HS1BP3: variants seen among roughly 807,000 people sequenced by gnomAD.
HS1BP3 encodes HCLS1-binding protein 3.
Under a neutral mutation model 33.5 loss-of-function variants are expected in HS1BP3, and 32 were observed. The ratio of observed to expected loss-of-function variants is 0.95; its 90% CI spans 0.72 to 1.28. The LOEUF (loss-of-function observed/expected upper bound fraction) is 1.28. HS1BP3 is among the 50% of genes most tolerant of loss of function. The probability of loss-of-function intolerance (pLI) is 0.00; values close to 1 mark genes in which losing one functional copy is unlikely to be tolerated. For missense variants in HS1BP3, 486 were observed against 502.3 expected, an observed-to-expected ratio of 0.97 and a Z score of 0.31; for synonymous variants, 187 against 209.2, an observed-to-expected ratio of 0.89 and a Z score of 0.92.
At chr2:20,650,895 C>A (rs1265545055) in intron 1 of HS1BP3, 137 bp downstream of exon 1, 12 of 732,144 alleles carry the variant, frequency 1.6e-5, no homozygotes, top group Non-Finnish European at 1.3e-5. Flanking sequence ...AGGGGCCCAG[C>A]CCGGATAAGC....
intron 4 of HS1BP3, chr2:20,636,017 C>T (rs1695115794): frequency 1.3e-5 from 2 of 152,178 alleles, no homozygotes; most frequent in African/African-American, 4.8e-5. Flanking sequence ...CGGGGAAGGA[C>T]CGAGGCTGGT....
chr2:20,613,827 G>C (rs775373468), downstream of HS1BP3, among the ~76,000 whole-genome samples: 32 of 152,214 alleles, frequency 2.1e-4, no homozygotes, highest in Non-Finnish European at 2.8e-4. Context: ...TTGCAGAATG[G>C]AATGGGCCTC....
chr2:20,628,678 C>T (rs780071165), intron 4 of HS1BP3, among the ~76,000 whole-genome samples: 8 of 151,904 alleles, frequency 5.3e-5, no homozygotes, highest in Admixed American at 6.5e-5. Context: ...CAGGGTGTTC[C>T]GCTCTGTCAC....
chr2:20,645,351 C>G lies in HS1BP3; in HGVS notation c.187G>C (p.Val63Leu). ...AGCCTCCGGCTCACCAAGAACTGGA[C>G]GACATCCTCGGGCCTGTGCTTGGCC... ...KSAKHRPEDV[V>L]QFLVSKKYSE... The change falls in exon 2 of 7, where the codon GTC (valine) becomes CTC (leucine). Residue 63 changes from valine to leucine, a missense_variant. By Grantham distance (32) the Val-to-Leu change is conservative. Transcript: ENST00000304031. The G allele has an allele frequency of 6.2e-7, 1 of 1,613,454 alleles. No individual in the cohort carries two copies. The highest frequency in any genetic ancestry group is 1.1e-5 in the South Asian group (1 of 91,000).
intron 5 of HS1BP3, among the ~76,000 whole-genome samples, chr2:20,580,258 C>A (rs958457095): frequency 3.3e-5 from 5 of 152,246 alleles, no homozygotes; most frequent in African/African-American, 4.8e-5. Context: ...GTGGCTCATG[C>A]CTGTAATCCT....
intron 4 of HS1BP3, chr2:20,636,546 T>C (rs1465433578): frequency 6.6e-6 from 1 of 152,260 alleles, no homozygotes; most frequent in Non-Finnish European, 1.5e-5. Flanking sequence ...CAGGGCTCCG[T>C]TTCTTGACCT....
chr2:20,620,722 C>T (rs543604262), intron 6 of HS1BP3, among the ~76,000 whole-genome samples: 2 of 152,356 alleles, frequency 1.3e-5, no homozygotes, highest in South Asian at 4.1e-4. Flanking sequence ...CACAGGGATT[C>T]TTACAAGGAT....
intron 1 of HS1BP3, 48 bp downstream of exon 1, chr2:20,650,984 G>A: frequency 8.1e-7 from 1 of 1,228,874 alleles, no homozygotes; most frequent in Non-Finnish European, 1.0e-6. Flanking sequence ...CCGCCCGGGC[G>A]CCCCGGACTG....
At chr2:20,600,011 C>A (rs1261897673) in intron 2 of HS1BP3, among the ~76,000 whole-genome samples, 3 of 152,106 alleles carry the variant, frequency 2.0e-5, no homozygotes, top group Non-Finnish European at 4.4e-5. Context: ...GAGAGTGGTC[C>A]CAGGGGGACC....
intron 5 of HS1BP3, among the ~76,000 whole-genome samples, chr2:20,561,158 AC>A (rs1172854134): frequency 7.2e-5 from 11 of 151,930 alleles, no homozygotes; most frequent in Non-Finnish European, 1.6e-4. Flanking sequence ...TCTCTGTCAC[AC>A]CTGCAGGTCC....
intron 2 of HS1BP3, among the ~76,000 whole-genome samples, chr2:20,598,536 C>T (rs1268544245): frequency 9.9e-6 from 1 of 100,612 alleles, no homozygotes; most frequent in East Asian, 3.1e-4. Context: ...GGGACCGGTA[C>T]TTCTTTTTTT....
At chr2:20,607,688 C>T (rs1193844594) in intron 2 of HS1BP3, among the ~76,000 whole-genome samples, 2 of 152,190 alleles carry the variant, frequency 1.3e-5, no homozygotes, top group Admixed American at 1.3e-4. Flanking sequence ...AAGTATAAGT[C>T]CTCCAACTTT....
At chr2:20,554,983 G>T in the HS1BP3 span, among the ~76,000 whole-genome samples, 2 of 152,128 alleles carry the variant, frequency 1.3e-5, no homozygotes, top group South Asian at 4.2e-4. Context: ...CTGCCCTTCT[G>T]CCATGCGGGA....
chr2:20,632,971 T>A (rs1008534426), intron 4 of HS1BP3, among the ~76,000 whole-genome samples: 1 of 152,268 alleles, frequency 6.6e-6, no homozygotes, highest in African/African-American at 2.4e-5. Context: ...AAGACCTCTT[T>A]AGAGCAAAGT....
At chr2:20,643,575 T>C (rs189800145) in intron 2 of HS1BP3, among the ~76,000 whole-genome samples, 3 of 152,246 alleles carry the variant, frequency 2.0e-5, no homozygotes, top group Admixed American at 6.5e-5. Flanking sequence ...AGCAATCAAA[T>C]GAAAAACAGC....
intron 1 of HS1BP3, among the ~76,000 whole-genome samples, chr2:20,647,017 A>G (rs1695539586): frequency 6.6e-6 from 1 of 152,216 alleles, no homozygotes; most frequent in Non-Finnish European, 1.5e-5. Flanking sequence ...CAGGCATGAG[A>G]AAGAAGCCAG....
chr2:20,592,504 A>G (rs1327339030), downstream of HS1BP3: 1 of 166,918 alleles, frequency 6.0e-6, no homozygotes, highest in Non-Finnish European at 1.5e-5. Context: ...AGCCCAGGAG[A>G]GCATGTCCCT....
intron 3 of HS1BP3, chr2:20,592,895 C>T (rs11885969): frequency 0.67 from 101,852 of 152,238 alleles, 37,472 homozygotes; most frequent in East Asian, 0.82. Flanking sequence ...AATAAAGTCG[C>T]ATTCACACGT....
At chr2:20,591,162 A>G (rs910566881), downstream of HS1BP3, 1 of 167,140 alleles carries the variant, frequency 6.0e-6, no homozygotes, top group Non-Finnish European at 1.5e-5. Context: ...AGGAGGCGGA[A>G]TCAGAGCCTG....
Sources: allele counts gnomAD v4.1 joint callset (sites outside exome capture counted in the v4.1 genomes callset), GRCh38; gene constraint gnomAD v4.1.1; transcripts MANE v1.5; gene names NCBI Gene and HGNC (gene_info 2026-07-23, HGNC 2026-07-21).